The following CTNNA3 variants were observed in gnomAD, a reference collection of about 807,000 sequenced individuals.
The protein encoded by CTNNA3 is catenin alpha 3.
In CTNNA3, 76 loss-of-function variants were observed where a neutral mutation model predicts 95.7. That is an observed-to-expected ratio of 0.79 (90% CI 0.66 to 0.96). The LOEUF (loss-of-function observed/expected upper bound fraction) is 0.96. CTNNA3 is among the 40% of genes least tolerant of loss of function. The pLI, the probability that CTNNA3 is intolerant of heterozygous loss-of-function variation, is 0.00. For synonymous variants in CTNNA3, 431 were observed against 374.4 expected (o/e 1.15, Z -1.74); for missense variants, 1,191 against 1,089.8 (o/e 1.09, Z -1.31).
chr10:66,044,917 G>A (rs1327479379), intron 15 of CTNNA3, among the ~76,000 whole-genome samples: 1 of 152,110 alleles, frequency 6.6e-6, no homozygotes, highest in Admixed American at 6.5e-5. Flanking sequence ...TGACAAAATT[G>A]GAATTGAGAA....
rs1407597521 is a variant in CTNNA3, at chr10:66,217,297, G to T, written c.1884+63173C>A. Among the ~76,000 whole-genome samples, 4 of 148,926 alleles carry T rather than the reference G, an allele frequency of 2.7e-5. No individual in the cohort carries two copies. In the East Asian group the frequency reaches 7.9e-4, roughly 30 times the overall value. ...GAACCCGAGAGGCAGAGGTTGCAGT[G>T]AGCCGAGATCACGCCACTGCACTCT... On this transcript the variant is annotated intron_variant, in intron 13 of 17. Transcript: ENST00000433211.
At chr10:65,926,580 G>A (rs561797958) in intron 17 of CTNNA3, among the ~76,000 whole-genome samples, 2 of 151,524 alleles carry the variant, frequency 1.3e-5, no homozygotes, top group East Asian at 2.0e-4. Flanking sequence ...GGGTTCAAGC[G>A]ATTCTCCTGC....
chr10:67,375,746 C>T (rs1176072517), intron 5 of CTNNA3, among the ~76,000 whole-genome samples: 4 of 152,154 alleles, frequency 2.6e-5, no homozygotes, highest in Admixed American at 2.6e-4. Context: ...CAATGACTAT[C>T]ATATATTAAT....
intron 7 of CTNNA3, chr10:67,098,824 G>A (rs1404281146): frequency 1.3e-5 from 2 of 151,814 alleles, no homozygotes; most frequent in Non-Finnish European, 2.9e-5. Context: ...TTAACCCATA[G>A]CGGTTTACCT....
Position 66,527,498 on chromosome 10 carries a change from T to A in CTNNA3, c.1375-6725A>T, listed in dbSNP as rs531685195. On this transcript the variant is annotated intron_variant, in intron 10 of 17. Transcript: ENST00000433211. ...ACATTGAACTGGTACATTGCTTTGGTTAGTATTATCATCTTCATAATATTA... is the reference window on the plus strand; with the variant it reads ...ACATTGAACTGGTACATTGCTTTGGATAGTATTATCATCTTCATAATATTA... Among the ~76,000 whole-genome samples, 3 of 152,248 alleles carry A rather than the reference T, an allele frequency of 2.0e-5. 1 individual carries two copies. The East Asian group carries it at 5.8e-4, about 29-fold the overall frequency.
intron 7 of CTNNA3, among the ~76,000 whole-genome samples, chr10:67,055,659 T>C (rs1221984959): frequency 6.6e-6 from 1 of 152,168 alleles, no homozygotes; most frequent in East Asian, 1.9e-4. Context: ...GGATATCACT[T>C]ACCATGGGCT....
chr10:67,393,070 T>TAAATAA (rs1291128933), intron 5 of CTNNA3, among the ~76,000 whole-genome samples: 1 of 150,068 alleles, frequency 6.7e-6, no homozygotes, highest in Non-Finnish European at 1.5e-5. Flanking sequence ...AAAAAAAAAA[T>TAAATAA]AAATAAAAAT....
At chr10:66,157,501 AGAT>A (rs2084595546) in intron 13 of CTNNA3, among the ~76,000 whole-genome samples, 1 of 50,588 alleles carries the variant, frequency 2.0e-5, no homozygotes, top group Non-Finnish European at 4.5e-5. Context: ...GTAGATAGAT[AGAT>A]AGATAGATAG....
At chr10:66,553,520 T>TC (rs1275234760) in intron 10 of CTNNA3, among the ~76,000 whole-genome samples, 3 of 113,198 alleles carry the variant, frequency 2.7e-5, no homozygotes, top group Non-Finnish European at 5.5e-5. Flanking sequence ...TACTTTTCTT[T>TC]TTTTTTTTTT....
intron 9 of CTNNA3, among the ~76,000 whole-genome samples, chr10:66,763,476 G>GAA (rs58526245): frequency 1.6e-4 from 24 of 151,470 alleles, no homozygotes; most frequent in South Asian, 2.1e-4. Context: ...TCTCTCAGTT[G>GAA]AAAAAAAAAT....
At chr10:67,684,542 A>G (rs761466555) in intron 1 of CTNNA3, among the ~76,000 whole-genome samples, 28 of 152,142 alleles carry the variant, frequency 1.8e-4, no homozygotes, top group Non-Finnish European at 3.1e-4. Context: ...GGACACCCCA[A>G]CTGCTTTTGG....
intron 1 of CTNNA3, among the ~76,000 whole-genome samples, chr10:67,664,047 T>A (rs1564817913): frequency 6.6e-6 from 1 of 152,358 alleles, no homozygotes; most frequent in Middle Eastern, 3.4e-3. Flanking sequence ...AAATTCAAGT[T>A]AAATTTACTG....
chr10:66,150,514 A>C (rs538533437), intron 13 of CTNNA3, among the ~76,000 whole-genome samples: 2 of 151,966 alleles, frequency 1.3e-5, no homozygotes, highest in African/African-American at 4.8e-5. Flanking sequence ...ATTTTTATAG[A>C]TATATAATAG....
At chr10:67,091,641 T>A (rs1050257143) in intron 7 of CTNNA3, among the ~76,000 whole-genome samples, 1 of 152,056 alleles carries the variant, frequency 6.6e-6, no homozygotes, top group Non-Finnish European at 1.5e-5. Flanking sequence ...CCAGTCATAG[T>A]CACTAAGGTG....
At chr10:67,097,832 T>C (rs1477879908) in intron 7 of CTNNA3, 1 of 1,587,142 alleles carries the variant, frequency 6.3e-7, no homozygotes, top group Non-Finnish European at 8.6e-7. Context: ...GCTACCAAAC[T>C]TTGTAACCTC....
chr10:67,575,426 A>G (rs2133299737), intron 3 of CTNNA3, among the ~76,000 whole-genome samples: 1 of 152,236 alleles, frequency 6.6e-6, no homozygotes, highest in Admixed American at 6.5e-5. Flanking sequence ...TTCTTGCCAT[A>G]AAACAGCTTT....
chr10:67,216,155 T>A (rs1864350654), intron 6 of CTNNA3, among the ~76,000 whole-genome samples: 1 of 152,156 alleles, frequency 6.6e-6, no homozygotes, highest in Non-Finnish European at 1.5e-5. Context: ...TGTTTTCTCC[T>A]AACAGGTGAA....
chr10:66,362,395 C>T lies in CTNNA3; in HGVS notation c.1732+16757G>A, dbSNP rs367989631. Among the ~76,000 whole-genome samples the T allele has an allele frequency of 2.7e-3, 416 of 151,722 alleles. 2 individuals carry two copies. Among genetic ancestry groups the T allele is most frequent in the African/African-American group, 9.8e-3 (406 of 41,442 alleles). On this transcript the variant is annotated intron_variant, in intron 12 of 17. Transcript: ENST00000433211. The stretch of plus-strand genomic sequence containing the variant: ...GGATTAAAGGCATGAGCCACCATGC[C>T]CAGCCCACAAAATTATTAAAAGGTA...
At chr10:66,823,947 C>T (rs1286835220) in intron 7 of CTNNA3, among the ~76,000 whole-genome samples, 1 of 151,496 alleles carries the variant, frequency 6.6e-6, no homozygotes, top group African/African-American at 2.4e-5. Flanking sequence ...AGATTGAATT[C>T]AAATTTATGT....
Sources: allele counts gnomAD v4.1 joint callset (sites outside exome capture counted in the v4.1 genomes callset), GRCh38; gene constraint gnomAD v4.1.1; transcripts MANE v1.5; gene names NCBI Gene and HGNC (gene_info 2026-07-23, HGNC 2026-07-21).